The following MAGI1 variants were observed in gnomAD, a reference collection of about 807,000 sequenced individuals.
MAGI1 encodes membrane-associated guanylate kinase, WW and PDZ domain-containing protein 1.
Under a neutral mutation model 139.9 loss-of-function variants are expected in MAGI1, and 58 were observed. That is an observed-to-expected ratio of 0.41 (90% CI 0.34 to 0.52). MAGI1 has a LOEUF of 0.52. Among genes scored for constraint, MAGI1 ranks in the 20% least tolerant of loss-of-function variants. The probability of loss-of-function intolerance (pLI) is 0.12; values close to 1 mark genes in which losing one functional copy is unlikely to be tolerated. For synonymous variants in MAGI1, 812 were observed against 737.9 expected, an observed-to-expected ratio of 1.10 and a Z score of -1.63; for missense variants, 1,874 against 1,901.6, an observed-to-expected ratio of 0.99 and a Z score of 0.27.
chr3:65,615,885 GC>G (rs1360310102), intron 2 of MAGI1, among the ~76,000 whole-genome samples: 6 of 152,178 alleles, frequency 3.9e-5, no homozygotes, highest in African/African-American at 1.4e-4. Flanking sequence ...TACAAGCAGT[GC>G]AGTGATATCC....
chr3:65,502,635 G>A (rs1316889579), intron 2 of MAGI1, among the ~76,000 whole-genome samples: 2 of 152,192 alleles, frequency 1.3e-5, no homozygotes, highest in African/African-American at 2.4e-5. Context: ...CCTTTTTGCT[G>A]TATCTTCACA....
At chr3:65,530,684 T>C (rs566234473) in intron 2 of MAGI1, among the ~76,000 whole-genome samples, 5 of 143,050 alleles carry the variant, frequency 3.5e-5, no homozygotes, top group Admixed American at 7.3e-5. Flanking sequence ...CATATATATA[T>C]ACGTGTATAT....
intron 1 of MAGI1, among the ~76,000 whole-genome samples, chr3:65,788,851 G>A (rs2039567668): frequency 6.6e-6 from 1 of 152,062 alleles, no homozygotes; most frequent in African/African-American, 2.4e-5. Flanking sequence ...TATTCCCAAA[G>A]CCCCAAGCTC....
intron 2 of MAGI1, among the ~76,000 whole-genome samples, chr3:65,520,525 G>A (rs1176123831): frequency 6.6e-6 from 1 of 152,154 alleles, no homozygotes; most frequent in Non-Finnish European, 1.5e-5. Flanking sequence ...AGGTTACAAG[G>A]AGATAATGTA....
At chr3:65,785,415 A>G (rs891469636) in intron 1 of MAGI1, among the ~76,000 whole-genome samples, 1 of 152,178 alleles carries the variant, frequency 6.6e-6, no homozygotes, top group African/African-American at 2.4e-5. Context: ...AAGGTTGGTG[A>G]CAGGTTGAAA....
chr3:66,000,184 G>T (rs985830116), intron 1 of MAGI1, among the ~76,000 whole-genome samples: 1 of 152,060 alleles, frequency 6.6e-6, no homozygotes, highest in Non-Finnish European at 1.5e-5. Flanking sequence ...CACCGTGTTA[G>T]CCAGAACGGT....
chr3:65,738,969 G>A (rs186151314), intron 1 of MAGI1, among the ~76,000 whole-genome samples: 8 of 152,268 alleles, frequency 5.3e-5, no homozygotes, highest in South Asian at 2.1e-4. Context: ...CACCAGCTAC[G>A]TTACCACCTA....
intron 12 of MAGI1, 43 bp downstream of exon 12, chr3:65,429,477 T>C (rs1265313303): frequency 6.5e-7 from 1 of 1,536,696 alleles, no homozygotes. Flanking sequence ...GCAATGAATT[T>C]GGGATAAAAA....
intron 2 of MAGI1, among the ~76,000 whole-genome samples, chr3:65,561,053 G>T (rs537200577): frequency 1.3e-5 from 2 of 152,264 alleles, no homozygotes; most frequent in African/African-American, 2.4e-5. Context: ...CTTAGACAGC[G>T]TTAGACCTGG....
rs937230657 is a variant in MAGI1 at position 65,430,523 on chromosome 3, G to T, written c.1546+176C>A. ...TCACAGGTTTTAATCTGTCCCAAGGGATGAATTTATGTAATGTGGAGACCT... is the reference window on the plus strand; with the variant it reads ...TCACAGGTTTTAATCTGTCCCAAGGTATGAATTTATGTAATGTGGAGACCT... On this transcript the variant is annotated intron_variant, in intron 11 of 22. Transcript: ENST00000402939. Among the ~76,000 whole-genome samples, 3 of 152,138 alleles carry T rather than the reference G, an allele frequency of 2.0e-5. No individual in the cohort carries two copies. In the East Asian group the frequency reaches 5.8e-4, roughly 29 times the overall value.
intron 1 of MAGI1, among the ~76,000 whole-genome samples, chr3:65,731,697 C>A (rs1292882341): frequency 6.6e-5 from 10 of 150,490 alleles, no homozygotes; most frequent in Non-Finnish European, 1.3e-4. Flanking sequence ...AAGAAATTTA[C>A]ATTATCATGC....
Position 65,397,529 on chromosome 3 carries a change from ATTTT to A in MAGI1, c.2199+3906_2199+3909del, listed in dbSNP as rs567332426. The stretch of plus-strand genomic sequence containing the variant: ...CCTCTATATAAAAACTTTTTGTAGG[ATTTT>A]TTTTTTTTTTTAGTGAACAGGAAAC... On this transcript the variant is annotated intron_variant, in intron 13 of 22. Transcript: ENST00000402939. Among the ~76,000 whole-genome samples the A allele has an allele frequency of 5.1e-3, 716 of 141,360 alleles. 6 individuals are homozygous for A. The highest frequency in any genetic ancestry group is 0.018 in the African/African-American group (680 of 38,668). The allele number at this position is 141,360 out of a possible 152,430, so 92.7% of individuals were successfully genotyped here. A position where few individuals can be genotyped will look rare whatever the true frequency, so the allele number is the denominator to read the frequency against.
chr3:65,983,703 G>A (rs1419649988), intron 1 of MAGI1, among the ~76,000 whole-genome samples: 1 of 151,970 alleles, frequency 6.6e-6, no homozygotes, highest in African/African-American at 2.4e-5. Context: ...TGATGCCCTG[G>A]CTAACACAGT....
At chr3:65,654,369 G>A (rs528228908) in intron 1 of MAGI1, among the ~76,000 whole-genome samples, 1 of 152,290 alleles carries the variant, frequency 6.6e-6, no homozygotes, top group South Asian at 2.1e-4. Flanking sequence ...AAAATGTCCA[G>A]TGAATCTGTT....
chr3:66,034,501 C>T (rs937199702), intron 1 of MAGI1, among the ~76,000 whole-genome samples: 1 of 152,210 alleles, frequency 6.6e-6, no homozygotes, highest in African/African-American at 2.4e-5. Context: ...GATCTTAATA[C>T]ATACTAGCGA....
At chr3:65,506,347 G>A (rs772655719) in intron 2 of MAGI1, among the ~76,000 whole-genome samples, 22 of 152,022 alleles carry the variant, frequency 1.4e-4, no homozygotes, top group Non-Finnish European at 2.2e-4. Context: ...GCCCACGCCC[G>A]CCCCCAACAA....
At chr3:65,810,043 A>G (rs1178187399) in intron 1 of MAGI1, among the ~76,000 whole-genome samples, 1 of 151,602 alleles carries the variant, frequency 6.6e-6, no homozygotes, top group African/African-American at 2.4e-5. Context: ...ATTTTCTTTT[A>G]TTTCAGGACT....
chr3:66,025,383 A>T (rs1186845389), intron 1 of MAGI1, among the ~76,000 whole-genome samples: 2 of 152,104 alleles, frequency 1.3e-5, no homozygotes, highest in African/African-American at 4.8e-5. Flanking sequence ...TACCCAAAAA[A>T]AAATTAATTA....
chr3:65,994,530 A>G (rs78425465), intron 1 of MAGI1, among the ~76,000 whole-genome samples: 9,522 of 152,238 alleles, frequency 0.063, 331 homozygotes, highest in East Asian at 0.11. Flanking sequence ...CTACTGTTTT[A>G]TATCAGACTA....
Sources: gnomAD v4.1 joint callset for allele counts (sites outside exome capture counted in the v4.1 genomes callset) on GRCh38, gnomAD v4.1.1 for gene constraint, MANE v1.5 for transcripts, NCBI Gene and HGNC (gene_info 2026-07-23, HGNC 2026-07-21) for gene names.